The following ANO4 variants were observed in gnomAD, a reference collection of about 807,000 sequenced individuals.
ANO4 encodes anoctamin-4.
ANO4 carries 69 observed loss-of-function variants against 141.9 expected under a neutral mutation model. That is an observed-to-expected ratio of 0.49 (90% CI 0.40 to 0.59). The LOEUF is 0.59. ANO4 is among the 20% of genes least tolerant of loss of function. ANO4 has a pLI of 0.00. For missense variants in ANO4, 894 were observed against 1,162.2 expected (o/e 0.77, Z 3.36); for synonymous variants, 350 against 394.3 (o/e 0.89, Z 1.33).
At chr12:100,869,441 G>A (rs764628346) in intron 1 of ANO4, among the ~76,000 whole-genome samples, 1 of 152,154 alleles carries the variant, frequency 6.6e-6, no homozygotes, top group Non-Finnish European at 1.5e-5. Flanking sequence ...AGACAGGGAG[G>A]ACAAATCTGT....
chr12:100,989,632 TGGA>T (rs1485477651), intron 8 of ANO4, among the ~76,000 whole-genome samples: 3 of 138,908 alleles, frequency 2.2e-5, no homozygotes, highest in Non-Finnish European at 3.0e-5. Context: ...GATGGATGGA[TGGA>T]TGGATGGATG....
chr12:100,884,274 T>A (rs1205981711), intron 1 of ANO4, among the ~76,000 whole-genome samples: 1 of 152,162 alleles, frequency 6.6e-6, no homozygotes, highest in Non-Finnish European at 1.5e-5. Context: ...TTTGATAAAT[T>A]TTTAGGCTTC....
chr12:100,778,095 A>G (rs1882582533), intron 3 of ANO4, among the ~76,000 whole-genome samples: 2 of 151,802 alleles, frequency 1.3e-5, no homozygotes, highest in East Asian at 3.9e-4. Flanking sequence ...AATTTTTTGC[A>G]TTTTTAGTAG....
At chr12:101,092,845 A>G (rs1566237854) in intron 17 of ANO4, among the ~76,000 whole-genome samples, 1 of 152,224 alleles carries the variant, frequency 6.6e-6, no homozygotes, top group East Asian at 1.9e-4. Context: ...TCATTGTGAA[A>G]GACATAAAAG....
At chr12:101,058,646 T>C (rs1369924347) in intron 14 of ANO4, among the ~76,000 whole-genome samples, 1 of 152,220 alleles carries the variant, frequency 6.6e-6, no homozygotes, top group Non-Finnish European at 1.5e-5. Context: ...AGTTCATTCA[T>C]GATTTGGCTC....
chr12:101,036,320 G>T (rs779242735), intron 9 of ANO4, among the ~76,000 whole-genome samples: 29 of 152,114 alleles, frequency 1.9e-4, no homozygotes, highest in Non-Finnish European at 3.4e-4. Context: ...ATGAACTACC[G>T]TATGATACAG....
intron 1 of ANO4, among the ~76,000 whole-genome samples, chr12:100,857,056 C>T (rs2038209925): frequency 6.6e-6 from 1 of 151,974 alleles, no homozygotes; most frequent in Non-Finnish European, 1.5e-5. Flanking sequence ...CAGCAGAAGC[C>T]ATGCAGTGTG....
chr12:100,915,479 C>A (rs755212352), intron 2 of ANO4, among the ~76,000 whole-genome samples: 5 of 152,130 alleles, frequency 3.3e-5, no homozygotes, highest in Admixed American at 6.5e-5. Context: ...CCTCTTAAGT[C>A]TGTTTTACAC....
At chr12:101,027,511 T>G (rs1238574339) in intron 9 of ANO4, among the ~76,000 whole-genome samples, 1 of 152,184 alleles carries the variant, frequency 6.6e-6, no homozygotes, top group African/African-American at 2.4e-5. Context: ...CAGGCCATGC[T>G]TTTCCCCTGC....
chr12:100,975,526 AT>A (rs2136287421), intron 7 of ANO4, among the ~76,000 whole-genome samples: 1 of 43,638 alleles, frequency 2.3e-5, no homozygotes, highest in South Asian at 8.8e-4. Flanking sequence ...GGTTCAAGCG[AT>A]TCTCCTGCCT....
At chr12:101,004,595 T>C (rs1445628079) in intron 8 of ANO4, among the ~76,000 whole-genome samples, 1 of 152,176 alleles carries the variant, frequency 6.6e-6, no homozygotes, top group African/African-American at 2.4e-5. Flanking sequence ...GCAGAGTCTC[T>C]ATTCTGGCAT....
intron 5 of ANO4, among the ~76,000 whole-genome samples, chr12:100,946,859 T>C (rs929872160): frequency 1.3e-5 from 2 of 152,146 alleles, no homozygotes; most frequent in Admixed American, 6.5e-5. Flanking sequence ...ACCAAGGAGC[T>C]AGAAGGAAAA....
chr12:100,799,310 C>T (rs2034538222), intron 1 of ANO4, among the ~76,000 whole-genome samples: 1 of 152,090 alleles, frequency 6.6e-6, no homozygotes, highest in South Asian at 2.1e-4. Flanking sequence ...CTGCAAAGCC[C>T]CCAGAACTGT....
intron 14 of ANO4, among the ~76,000 whole-genome samples, chr12:101,054,772 C>T (rs1054774700): frequency 6.6e-6 from 1 of 151,812 alleles, no homozygotes; most frequent in Admixed American, 6.6e-5. Context: ...AGTGTGGGAG[C>T]CACCGTGCCC....
At chr12:100,877,534 G>A (rs768914161) in intron 1 of ANO4, among the ~76,000 whole-genome samples, 33 of 151,486 alleles carry the variant, frequency 2.2e-4, no homozygotes, top group Non-Finnish European at 3.7e-4. Flanking sequence ...TGGAATATGA[G>A]GTGAGGTCAG....
chr12:101,026,481 C>G (rs921497329), intron 9 of ANO4, among the ~76,000 whole-genome samples: 1 of 152,064 alleles, frequency 6.6e-6, no homozygotes, highest in African/African-American at 2.4e-5. Context: ...TCAGCACAAT[C>G]CAGTCAAATT....
chr12:101,042,330 A>G lies in ANO4; in HGVS notation c.1020-4A>G. The G allele has an allele frequency of 6.2e-7, 1 of 1,614,066 alleles. No homozygotes were observed. The highest frequency in any genetic ancestry group is 8.5e-7 in the Non-Finnish European group (1 of 1,179,968). ...AATTTGCAAGGCCGTTGTGTCTTTA[A>G]CAGGCGGTACTTTGGAGAGAAGATT... is the stretch of plus-strand genomic sequence containing the variant. On this transcript the variant is annotated splice_polypyrimidine_tract_variant and splice_region_variant and intron_variant, in intron 11 of 27. Transcript: ENST00000392977.
chr12:100,879,535 T>C (rs932282904), intron 1 of ANO4, among the ~76,000 whole-genome samples: 3 of 152,202 alleles, frequency 2.0e-5, no homozygotes, highest in Non-Finnish European at 2.9e-5. Flanking sequence ...GCATTGTAAA[T>C]GCTTAATAAA....
At chr12:101,060,211 G>A (rs644939) in intron 14 of ANO4, among the ~76,000 whole-genome samples, 37,242 of 152,130 alleles carry the variant, frequency 0.24, 4,914 homozygotes, top group East Asian at 0.56. Context: ...TCTTAATCCT[G>A]AGTTCTAATT....
Sources: gnomAD v4.1 joint callset for allele counts (sites outside exome capture counted in the v4.1 genomes callset) on GRCh38, gnomAD v4.1.1 for gene constraint, MANE v1.5 for transcripts, NCBI Gene and HGNC (gene_info 2026-07-23, HGNC 2026-07-21) for gene names.